The following ADAMTS9 variants were observed in gnomAD, a reference collection of about 807,000 sequenced individuals.
ADAMTS9 encodes the protein ADAM metallopeptidase with thrombospondin type 1 motif 9.
Under a neutral mutation model 257.1 loss-of-function variants are expected in ADAMTS9, and 107 were observed. The observed-to-expected ratio is 0.42, with a 90% CI of 0.36 to 0.49. The LOEUF (loss-of-function observed/expected upper bound fraction) is 0.49. Among genes scored for constraint, ADAMTS9 ranks in the 20% least tolerant of loss-of-function variants. The pLI is 0.03. For missense variants in ADAMTS9, 2,353 were observed against 2,469.1 expected, an observed-to-expected ratio of 0.95 and a Z score of 1.00; for synonymous variants, 982 against 880.9, an observed-to-expected ratio of 1.11 and a Z score of -2.03.
At chr3:64,644,728 T>C (rs1700742307) in intron 11 of ADAMTS9, among the ~76,000 whole-genome samples, 1 of 152,182 alleles carries the variant, frequency 6.6e-6, no homozygotes, top group South Asian at 2.1e-4. Flanking sequence ...ATTTTTTCCC[T>C]CTTAACACTT....
intron 28 of ADAMTS9, among the ~76,000 whole-genome samples, chr3:64,590,779 G>A (rs776887752): frequency 2.6e-4 from 40 of 152,124 alleles, no homozygotes; most frequent in Admixed American, 9.8e-4. Context: ...TTATTCCAAT[G>A]CACCTAAAGC....
intron 29 of ADAMTS9, among the ~76,000 whole-genome samples, chr3:64,563,722 CT>C (rs997727886): frequency 6.6e-6 from 1 of 152,182 alleles, no homozygotes; most frequent in African/African-American, 2.4e-5. Context: ...GTCATTCTGG[CT>C]TCTGATTTTC....
Position 64,658,506 on chromosome 3 carries a change from G to C in ADAMTS9, c.965C>G (p.Ser322Ter), listed in dbSNP as rs75628649. The change falls in exon 4 of 40, where the codon TCA (serine) becomes TGA (stop). Residue 322 changes from serine (S) to a stop codon, truncating the protein, a stop_gained. Transcript: ENST00000498707. LOFTEE classifies it high-confidence loss of function. ...NLQHYILTLMSIVASIYKDPS... is the reference protein window; with the variant it reads ...NLQHYILTLM ...CCTTCGTTTGAATGTACTTACAATT[G>C]ACATTAAAGTTAAAATATAGTGTTG... The C allele has an allele frequency of 6.2e-7, 1 of 1,609,468 alleles. No homozygotes were observed. Among genetic ancestry groups the C allele is most frequent in the East Asian group, 2.2e-5 (1 of 44,834 alleles).
chr3:64,594,989 G>A (rs113589194), intron 27 of ADAMTS9, among the ~76,000 whole-genome samples: 12 of 152,084 alleles, frequency 7.9e-5, no homozygotes, highest in East Asian at 1.9e-4. Context: ...GGGTTTCACC[G>A]TGTTAGCCAG....
At chr3:64,615,257 TAGAG>T (rs1399038293) in intron 21 of ADAMTS9, 60 bp downstream of exon 21, 2 of 1,564,322 alleles carry the variant, frequency 1.3e-6, no homozygotes, top group African/African-American at 2.7e-5. Context: ...CTTAAACAGA[TAGAG>T]AGCACCAGAA....
At chr3:64,624,739 T>A (rs1458970162) in intron 16 of ADAMTS9, among the ~76,000 whole-genome samples, 1 of 152,194 alleles carries the variant, frequency 6.6e-6, no homozygotes, top group Admixed American at 6.5e-5. Flanking sequence ...TTTCAAAACC[T>A]TGGCATGATT....
intron 6 of ADAMTS9, among the ~76,000 whole-genome samples, chr3:64,654,877 C>T (rs1701023212): frequency 6.6e-6 from 1 of 152,168 alleles, no homozygotes; most frequent in Non-Finnish European, 1.5e-5. Context: ...CCAGGATTTT[C>T]CCAATACCCT....
At chr3:64,517,882 G>C (rs978135771) in intron 39 of ADAMTS9, among the ~76,000 whole-genome samples, 7 of 152,002 alleles carry the variant, frequency 4.6e-5, no homozygotes, top group African/African-American at 1.7e-4. Flanking sequence ...ATAACAAAAT[G>C]CCTTCTTGTC....
intron 28 of ADAMTS9, among the ~76,000 whole-genome samples, chr3:64,577,869 A>G (rs947775558): frequency 5.9e-5 from 9 of 152,198 alleles, no homozygotes; most frequent in Non-Finnish European, 1.3e-4. Context: ...CAAGTCATTT[A>G]AAAGACACCA....
intron 16 of ADAMTS9, among the ~76,000 whole-genome samples, chr3:64,623,350 CCA>C (rs1314135280): frequency 1.3e-5 from 2 of 152,130 alleles, no homozygotes; most frequent in Non-Finnish European, 2.9e-5. Flanking sequence ...ACTAAAGAAC[CCA>C]CAGAGAGGCC....
rs1319816658 is a variant in ADAMTS9, at chr3:64,686,555, C to G, written c.516+13G>C. On this transcript the variant is annotated intron_variant, in intron 2 of 39. Coordinates refer to ENST00000498707, the MANE Select transcript of ADAMTS9 (RefSeq NM_182920.2). The surrounding 1 kb of genome is among the most constrained non-coding windows in gnomAD (Gnocchi z 4.6). Reference sequence around the variant, plus strand: ...AGGCGGAAGGGGAGAGGAGGTGGCGCGCGCCCACTTACCATTCCTGAGCAG... The same window carrying G: ...AGGCGGAAGGGGAGAGGAGGTGGCGGGCGCCCACTTACCATTCCTGAGCAG... The G allele has an allele frequency of 6.3e-7, 1 of 1,585,668 alleles. No homozygotes were observed. Among genetic ancestry groups the G allele is most frequent in the Admixed American group, 1.8e-5 (1 of 56,698 alleles).
intron 16 of ADAMTS9, among the ~76,000 whole-genome samples, chr3:64,630,462 C>A (rs1000826500): frequency 6.6e-6 from 1 of 152,092 alleles, no homozygotes; most frequent in African/African-American, 2.4e-5. Context: ...TGCCTATAGT[C>A]CCAGCTACTC....
intron 38 of ADAMTS9, among the ~76,000 whole-genome samples, chr3:64,522,874 T>A (rs927950144): frequency 6.6e-6 from 1 of 152,182 alleles, no homozygotes; most frequent in African/African-American, 2.4e-5. Flanking sequence ...TATTTTGTTA[T>A]CAAATTTAGA....
chr3:64,566,228 A>T (rs1234797718), intron 29 of ADAMTS9, among the ~76,000 whole-genome samples: 4 of 152,196 alleles, frequency 2.6e-5, no homozygotes, highest in Non-Finnish European at 5.9e-5. Context: ...GAAGCCAATA[A>T]TCTTTAATCA....
At chr3:64,621,476 G>C (rs1174883502) in intron 18 of ADAMTS9, among the ~76,000 whole-genome samples, 1 of 152,060 alleles carries the variant, frequency 6.6e-6, no homozygotes, top group African/African-American at 2.4e-5. Context: ...TGTAAAAGTA[G>C]GTAGGCCGGG....
At chr3:64,574,022 G>A (rs79503083) in intron 28 of ADAMTS9, among the ~76,000 whole-genome samples, 1,603 of 152,264 alleles carry the variant, frequency 0.011, 58 homozygotes, top group East Asian at 0.075. Context: ...AATATTTATG[G>A]AAATGAATGA....
At chr3:64,618,027 C>T (rs1294783157) in intron 19 of ADAMTS9, among the ~76,000 whole-genome samples, 3 of 152,132 alleles carry the variant, frequency 2.0e-5, no homozygotes, top group African/African-American at 4.8e-5. Context: ...TGGTTTGTGT[C>T]GGTGTATTTT....
chr3:64,537,554 G>C (rs1446212050), intron 37 of ADAMTS9, among the ~76,000 whole-genome samples: 1 of 151,906 alleles, frequency 6.6e-6, no homozygotes, highest in African/African-American at 2.4e-5. Flanking sequence ...AAAACGTTTA[G>C]CAATGCTCTT....
At chr3:64,670,298 A>G (rs1341323622) in intron 3 of ADAMTS9, among the ~76,000 whole-genome samples, 1 of 152,208 alleles carries the variant, frequency 6.6e-6, no homozygotes, top group Non-Finnish European at 1.5e-5. Flanking sequence ...CCCATCAAAA[A>G]GTACACTGGT....
Sources: gnomAD v4.1 joint callset for allele counts (sites outside exome capture counted in the v4.1 genomes callset) on GRCh38, gnomAD v4.1.1 for gene constraint, Gnocchi (gnomAD v3.1) non-coding constraint, MANE v1.5 for transcripts, NCBI Gene and HGNC (gene_info 2026-07-23, HGNC 2026-07-21) for gene names.